POLR3E: variants seen among roughly 807,000 people sequenced by gnomAD.
The protein encoded by POLR3E is RNA polymerase III subunit E.
POLR3E carries 41 observed loss-of-function variants against 96.6 expected under a neutral mutation model. The observed-to-expected ratio is 0.42, with a 90% CI of 0.33 to 0.55. The LOEUF is 0.55. Among genes scored for constraint, POLR3E ranks in the 20% least tolerant of loss-of-function variants. The pLI is 0.06. For synonymous variants in POLR3E, 396 were observed against 383.6 expected (o/e 1.03, Z -0.38); for missense variants, 849 against 952.1 (o/e 0.89, Z 1.43).
rs2048327622 is a variant in POLR3E at position 22,315,144 on chromosome 16, A to G, written c.578A>G (p.Tyr193Cys). Residue 193 changes from tyrosine (Y) to cysteine (C), a missense_variant, in exon 9 of 21, where the codon TAT becomes TGT. Physicochemically the swap from Tyr to Cys is radical, Grantham distance 194 (BLOSUM62 -2). Transcript: ENST00000299853. ...EQARQRRVQS[Y>C]EFLQKKHAEE... is the part of the protein sequence containing the mutation. The stretch of plus-strand genomic sequence containing the variant: ...GCCCGCCAGCGCCGTGTGCAGTCCT[A>G]TGAGTTCCTGCAGAAGAAGCACGCA... 8 of 1,612,610 alleles carry G rather than the reference A, an allele frequency of 5.0e-6. No individual in the cohort carries two copies. Among genetic ancestry groups the G allele is most frequent in the African/African-American group, 1.3e-5 (1 of 74,910 alleles).
chr16:22,302,226 C>T (rs1488176980), intron 1 of POLR3E, among the ~76,000 whole-genome samples: 1 of 152,150 alleles, frequency 6.6e-6, no homozygotes, highest in East Asian at 1.9e-4. Context: ...ACTCCCCTAC[C>T]TGTACCTGTC....
intron 19 of POLR3E, chr16:22,331,789 CTTT>C (rs1442141006): frequency 6.8e-6 from 2 of 295,988 alleles, no homozygotes; most frequent in Non-Finnish European, 6.4e-6. Context: ...TTCACCAGTT[CTTT>C]TGTTATGCTG....
chr16:22,331,017 T>TTTTTA (rs2048728314), intron 19 of POLR3E, among the ~76,000 whole-genome samples: 1 of 130,950 alleles, frequency 7.6e-6, no homozygotes, highest in Non-Finnish European at 1.5e-5. Flanking sequence ...TTTTTTTTTT[T>TTTTTA]TTTTTGAGAC....
chr16:22,325,261 A>C lies in POLR3E; in HGVS notation c.1343A>C (p.Gln448Pro). 1 of 1,613,328 alleles carries C rather than the reference A, an allele frequency of 6.2e-7. No individual in the cohort carries two copies. The change falls in exon 17 of 21, where the codon CAA (glutamine) becomes CCA (proline). Residue 448 changes from glutamine (Q) to proline (P), a missense_variant. Physicochemically the swap from Gln to Pro is moderately conservative, Grantham distance 76. Transcript: ENST00000299853. ...ACCATGCCAAAGAAGCCGGATGCACAATCAGGTGTGTGAGGGGCTTTGGGC... is the reference window on the plus strand; with the variant it reads ...ACCATGCCAAAGAAGCCGGATGCACCATCAGGTGTGTGAGGGGCTTTGGGC... ...KETMPKKPDAQSGPAGLVCGD... is the reference protein window; with the variant it reads ...KETMPKKPDAPSGPAGLVCGD...
intron 18 of POLR3E, chr16:22,328,177 G>A (rs1329228968): frequency 8.1e-6 from 2 of 246,738 alleles, no homozygotes; most frequent in Non-Finnish European, 7.9e-6. Flanking sequence ...GCACAGTTGA[G>A]TTGGTGCCAG....
intron 6 of POLR3E, chr16:22,310,318 G>C (rs1047732098): frequency 2.6e-5 from 4 of 155,020 alleles, no homozygotes; most frequent in Non-Finnish European, 5.7e-5. Flanking sequence ...ACAGAGTCTC[G>C]CTCTGTTGCC....
chr16:22,328,509 G>GT lies in POLR3E; in HGVS notation c.1869dup (p.Pro624SerfsTer10). 6.2e-7 allele frequency: 1 copy of GT among 1,613,960 alleles called. No homozygotes were observed. The highest frequency in any genetic ancestry group is 8.5e-7 in the Non-Finnish European group (1 of 1,179,872). ...GCAACTCACCCCTGGGCCTTGGTCA[G>GT]TTTCCCCCCCAGACTGCTGCTTCCC... On this transcript the variant is annotated frameshift_variant and splice_region_variant. Coordinates refer to ENST00000299853, the MANE Select transcript of POLR3E (RefSeq NM_018119.4). LOFTEE classifies it high-confidence loss of function.
intron 6 of POLR3E, 75 bp downstream of exon 6, chr16:22,309,585 C>A: frequency 9.5e-7 from 1 of 1,055,240 alleles, no homozygotes; most frequent in Non-Finnish European, 1.5e-6. Flanking sequence ...CCTCCCCAGC[C>A]TGGTGTCCAT....
rs1270483731 is a variant in POLR3E at position 22,334,318 on chromosome 16, A to ATGTT, written c.*621_*624dup. The ATGTT allele has an allele frequency of 6.6e-6, 1 of 152,240 alleles. No homozygotes were observed. The highest frequency in any genetic ancestry group is 1.5e-5 in the Non-Finnish European group (1 of 68,042). The allele number at this position is 152,240 out of a possible 1,614,324, so 9.4% of individuals were successfully genotyped here. A position where few individuals can be genotyped will look rare whatever the true frequency, so the allele number is the denominator to read the frequency against. On this transcript the variant is annotated 3_prime_UTR_variant, in exon 21 of 21. Transcript: ENST00000299853. ...TCAGAATCAAATCCATCTCCTTTTAATGTTTGCAGAAAGATGCAAACAAAA... is the reference window on the plus strand; with the variant it reads ...TCAGAATCAAATCCATCTCCTTTTAATGTTTGTTTGCAGAAAGATGCAAACAAAA...
chr16:22,311,981 C>A (rs2048256940), intron 6 of POLR3E, among the ~76,000 whole-genome samples: 1 of 152,106 alleles, frequency 6.6e-6, no homozygotes, highest in Admixed American at 6.6e-5. Context: ...GATGAAATCA[C>A]CTAAGGATGA....
At chr16:22,316,905 AC>A in intron 10 of POLR3E, 89 bp from the exon 11 acceptor site, 2 of 1,423,200 alleles carry the variant, frequency 1.4e-6, no homozygotes, top group Admixed American at 1.7e-5. Flanking sequence ...GGCTGTCTGC[AC>A]CCTCTCCCCA....
In POLR3E at chr16:22,325,338, G is replaced by C. The variant is rs987074275; in HGVS notation, c.1348+72G>C. ...GCTCCGGAAGGGCTGCTGTGCTAGA[G>C]CTTGTCAGGCCCGGACCTGGAGAGG... On this transcript the variant is annotated intron_variant, in intron 17 of 20. Transcript: ENST00000299853. The C allele has an allele frequency of 3.3e-6, 4 of 1,230,562 alleles. No individual in the cohort carries two copies. The African/African-American group carries it at 5.9e-5, about 18-fold the overall frequency. 76.2% of individuals were successfully genotyped at this position (1,230,562 alleles called of 1,614,324 possible).
At chr16:22,323,227 T>G (rs1453129965) in intron 14 of POLR3E, among the ~76,000 whole-genome samples, 1 of 152,112 alleles carries the variant, frequency 6.6e-6, no homozygotes, top group Non-Finnish European at 1.5e-5. Flanking sequence ...ATTGAAATTT[T>G]GATGTAAAAA....
chr16:22,308,303 AGAGAAG>A, intron 4 of POLR3E, 78 bp downstream of exon 4: 1 of 1,098,208 alleles, frequency 9.1e-7, no homozygotes, highest in Non-Finnish European at 1.4e-6. Context: ...CGAGAAGCTC[AGAGAAG>A]GAGTCATTGG....
intron 18 of POLR3E, chr16:22,326,574 C>G: frequency 3.9e-6 from 2 of 511,862 alleles, no homozygotes; most frequent in East Asian, 6.9e-5. Flanking sequence ...GGTTTCTCAC[C>G]CTGTCCCCCA....
chr16:22,310,622 T>TA (rs60232148), intron 6 of POLR3E, among the ~76,000 whole-genome samples: 120,723 of 137,640 alleles, frequency 0.88, 52,978 homozygotes, highest in East Asian at 0.97. Flanking sequence ...TTAAAAAGTT[T>TA]AAAAAAAAAA....
At chr16:22,304,534 C>T (rs1175290699) in intron 2 of POLR3E, among the ~76,000 whole-genome samples, 6 of 152,034 alleles carry the variant, frequency 3.9e-5, no homozygotes, top group African/African-American at 1.4e-4. Context: ...AGCGAGCAGT[C>T]AAGGCTCAGG....
chr16:22,316,681 A>T lies in POLR3E; in HGVS notation c.723A>T (p.Ser241=), dbSNP rs753964327. 3 of 1,613,424 alleles carry T rather than the reference A, an allele frequency of 1.9e-6. No individual in the cohort carries two copies. The African/African-American group carries it at 4.0e-5, about 22-fold the overall frequency. The part of the protein sequence containing the change: ...SGVENTELVK[S]PSEYLMMLMP... ...TGGAGAACACGGAGCTCGTCAAGTC[A>T]CCCAGGTGGGATGGGCTGGGCCAGC... Residue 241 remains serine (S), a synonymous_variant, in exon 10 of 21, where the codon TCA becomes TCT. Coordinates refer to ENST00000299853, the MANE Select transcript of POLR3E (RefSeq NM_018119.4).
chr16:22,309,298 A>G, intron 5 of POLR3E, 130 bp from the exon 6 acceptor site: 1 of 789,894 alleles, frequency 1.3e-6, no homozygotes, highest in Middle Eastern at 2.3e-4. Flanking sequence ...AGACCCGCGT[A>G]GGCTGCCCTG....
Sources: allele counts gnomAD v4.1 joint callset (sites outside exome capture counted in the v4.1 genomes callset), GRCh38; gene constraint gnomAD v4.1.1; transcripts MANE v1.5; gene names NCBI Gene and HGNC (gene_info 2026-07-23, HGNC 2026-07-21).